The following CNKSR3 variants were observed in gnomAD, a reference collection of about 807,000 sequenced individuals.
CNKSR3 encodes CNKSR family member 3.
A neutral mutation model predicts 67.7 loss-of-function variants in CNKSR3; 36 were observed. That is an observed-to-expected ratio of 0.53 (90% CI 0.41 to 0.70). The LOEUF is 0.70. CNKSR3 is among the 30% of genes least tolerant of loss of function. The pLI is 0.00. For synonymous variants in CNKSR3, 281 were observed against 271.4 expected, an observed-to-expected ratio of 1.04 and a Z score of -0.35; for missense variants, 630 against 695.2, an observed-to-expected ratio of 0.91 and a Z score of 1.05.
intron 1 of CNKSR3, among the ~76,000 whole-genome samples, chr6:154,486,796 C>T (rs1206398889): frequency 6.6e-6 from 1 of 151,972 alleles, no homozygotes; most frequent in African/African-American, 2.4e-5. Flanking sequence ...ACCTGGCCAT[C>T]TTTTCTTTTT....
chr6:154,428,463 G>T (rs993618057), intron 6 of CNKSR3, among the ~76,000 whole-genome samples: 1 of 152,206 alleles, frequency 6.6e-6, no homozygotes, highest in African/African-American at 2.4e-5. Flanking sequence ...GGATGTGGGA[G>T]TGTTCTTAGA....
intron 2 of CNKSR3, among the ~76,000 whole-genome samples, chr6:154,449,716 A>G (rs1280168274): frequency 6.6e-6 from 1 of 152,104 alleles, no homozygotes; most frequent in Non-Finnish European, 1.5e-5. Context: ...AAAAAGACAA[A>G]CTCTTTCTGT....
At chr6:154,472,214 A>G (rs894523544) in intron 1 of CNKSR3, among the ~76,000 whole-genome samples, 7 of 152,300 alleles carry the variant, frequency 4.6e-5, no homozygotes, top group Admixed American at 1.3e-4. Context: ...CTTAAATACA[A>G]TTCAGCCTTC....
At position 154,390,957 on chromosome 6, in the gene CNKSR3, C is replaced by A. The variant is rs1195896219; in HGVS notation, c.*15397G>T. The A allele has an allele frequency of 6.6e-6, 1 of 152,006 alleles. No individual in the cohort carries two copies. Among genetic ancestry groups the A allele is most frequent in the Non-Finnish European group, 1.5e-5 (1 of 68,050 alleles). 9.4% of individuals were successfully genotyped at this position (152,006 alleles called of 1,614,324 possible). ...CTGGGATTACAGGCACATGCCACCACGCCCAGCTAATTTTTATATTTTTAG... is the reference window on the plus strand; with the variant it reads ...CTGGGATTACAGGCACATGCCACCAAGCCCAGCTAATTTTTATATTTTTAG... On this transcript the variant is annotated 3_prime_UTR_variant, in exon 13 of 13. Transcript: ENST00000607772.
chr6:154,433,392 G>A, intron 5 of CNKSR3, 74 bp downstream of exon 5: 1 of 988,790 alleles, frequency 1.0e-6, no homozygotes, highest in Non-Finnish European at 1.6e-6. Flanking sequence ...ATTAGCCACA[G>A]GGCATTTACT....
At chr6:154,483,370 C>T (rs141884598) in intron 1 of CNKSR3, among the ~76,000 whole-genome samples, 91 of 152,226 alleles carry the variant, frequency 6.0e-4, no homozygotes, top group Admixed American at 1.6e-3. Flanking sequence ...AGGAACAGTG[C>T]GAGTACACCT....
intron 2 of CNKSR3, among the ~76,000 whole-genome samples, chr6:154,447,996 C>T (rs983582782): frequency 1.3e-5 from 2 of 152,134 alleles, no homozygotes; most frequent in African/African-American, 2.4e-5. Context: ...AAATAATCCA[C>T]ACTCTTTTGT....
At chr6:154,407,206 T>C (rs932574726) in intron 12 of CNKSR3, among the ~76,000 whole-genome samples, 3 of 152,182 alleles carry the variant, frequency 2.0e-5, no homozygotes, top group Non-Finnish European at 4.4e-5. Context: ...CTTTAGTGGG[T>C]GGGGACCATA....
intron 1 of CNKSR3, among the ~76,000 whole-genome samples, chr6:154,485,889 G>A (rs1252559152): frequency 6.6e-6 from 1 of 152,184 alleles, no homozygotes; most frequent in East Asian, 1.9e-4. Flanking sequence ...CTCCCAAGAA[G>A]AACCGGGCTG....
At chr6:154,471,773 G>A (rs1383975386) in intron 1 of CNKSR3, among the ~76,000 whole-genome samples, 1 of 152,046 alleles carries the variant, frequency 6.6e-6, no homozygotes, top group South Asian at 2.1e-4. Context: ...CTCTTATAAC[G>A]TAATCTCTTT....
intron 1 of CNKSR3, among the ~76,000 whole-genome samples, chr6:154,489,851 C>T (rs1318416523): frequency 6.6e-6 from 1 of 152,126 alleles, no homozygotes; most frequent in Non-Finnish European, 1.5e-5. Context: ...GAAACAATTC[C>T]TAATCGTTCA....
intron 1 of CNKSR3, among the ~76,000 whole-genome samples, chr6:154,490,925 C>A (rs1786772909): frequency 6.6e-6 from 1 of 151,994 alleles, no homozygotes; most frequent in African/African-American, 2.4e-5. Flanking sequence ...TGGCTCACTG[C>A]AACCCTCTGC....
intron 9 of CNKSR3, chr6:154,414,665 C>T (rs748000658): frequency 4.9e-5 from 29 of 591,716 alleles, no homozygotes; most frequent in East Asian, 2.8e-4. Context: ...GAGCCAGGTG[C>T]CAGGGTTATG....
chr6:154,461,799 A>G (rs900953851), intron 1 of CNKSR3, among the ~76,000 whole-genome samples: 1 of 152,250 alleles, frequency 6.6e-6, no homozygotes, highest in Admixed American at 6.5e-5. Flanking sequence ...AATAATAGGC[A>G]GAGTCAGGAT....
At chr6:154,457,697 T>C (rs1352186354) in intron 1 of CNKSR3, among the ~76,000 whole-genome samples, 1 of 152,230 alleles carries the variant, frequency 6.6e-6, no homozygotes, top group Non-Finnish European at 1.5e-5. Context: ...GCTGAACTTA[T>C]GTCTTGCCCG....
intron 1 of CNKSR3, among the ~76,000 whole-genome samples, chr6:154,452,335 A>G (rs143303640): frequency 5.3e-5 from 8 of 152,310 alleles, no homozygotes; most frequent in African/African-American, 1.7e-4. Context: ...AACTTCTTAA[A>G]TCAACAGTAA....
chr6:154,406,388 C>T lies in CNKSR3; in HGVS notation c.1634G>A (p.Ser545Asn). 1 of 1,613,984 alleles carries T rather than the reference C, an allele frequency of 6.2e-7. No homozygotes were observed. The highest frequency in any genetic ancestry group is 1.7e-5 in the Admixed American group (1 of 60,022). Residue 545 changes from serine to asparagine, a missense_variant, in exon 13 of 13, where the codon AGC becomes AAC. By Grantham distance (46) the Ser-to-Asn change is conservative. Around this residue, in one of 3 missense-constraint regions of CNKSR3, gnomAD observed 308 missense variants for 299.6 expected, o/e 1.03. Transcript: ENST00000607772. ...SSSTEPSLLV[S>N]WFTRLKLLTH ...CAACAGTTTGAGGCGCGTAAACCAG[C>T]TGACCAGGAGGGACGGTTCTGTGGA...
intron 5 of CNKSR3, among the ~76,000 whole-genome samples, chr6:154,433,109 G>C (rs1785402910): frequency 6.6e-6 from 1 of 152,060 alleles, no homozygotes; most frequent in African/African-American, 2.4e-5. Context: ...TAAGGTTTTT[G>C]CCAAGAATTT....
At chr6:154,509,696 C>T (rs1464971257) in intron 1 of CNKSR3, among the ~76,000 whole-genome samples, 1 of 152,162 alleles carries the variant, frequency 6.6e-6, no homozygotes, top group East Asian at 1.9e-4. Context: ...TGTGCCTCTG[C>T]ACTCGGGCCC....
Sources: allele counts gnomAD v4.1 joint callset (sites outside exome capture counted in the v4.1 genomes callset), GRCh38; gene constraint gnomAD v4.1.1; regional missense constraint gnomAD v4.1.1; transcripts MANE v1.5; gene names NCBI Gene and HGNC (gene_info 2026-07-23, HGNC 2026-07-21).